Variants in DMD observed in about 807,000 individuals in gnomAD.
DMD encodes dystrophin, also known as mutant dystrophin.
DMD carries 63 observed loss-of-function variants against 330.1 expected under a neutral mutation model. That is an observed-to-expected ratio of 0.19 (90% confidence interval 0.16 to 0.24). The LOEUF is 0.24. Among genes scored for constraint, DMD ranks in the 10% least tolerant of loss-of-function variants. The probability of loss-of-function intolerance (pLI) is 1.00; values close to 1 mark genes in which losing one functional copy is unlikely to be tolerated. For synonymous variants in DMD, 1,223 were observed against 959.8 expected (o/e 1.27, Z -5.07); for missense variants, 3,344 against 2,684.1 (o/e 1.25, Z -5.43).
At chrX:33,129,325 C>CTGTTTGTTTTTTT (rs2095483839) in intron 1 of DMD, among the ~76,000 whole-genome samples, 1 of 30,715 alleles carries the variant, frequency 3.3e-5, no homozygotes, top group Non-Finnish European at 5.2e-5. Flanking sequence ...TTAAGGTTTG[C>CTGTTTGTTTTTTT]TTTTTTTTTT....
intron 44 of DMD, among the ~76,000 whole-genome samples, chrX:32,192,367 T>G (rs1029075146): frequency 4.5e-5 from 5 of 111,587 alleles, no homozygotes; most frequent in South Asian, 3.7e-4. Context: ...GTTGCCAATA[T>G]GAAATGAAAA....
intron 47 of DMD, among the ~76,000 whole-genome samples, chrX:31,889,626 C>CTG: frequency 2.0e-5 from 1 of 48,925 alleles, no homozygotes; most frequent in African/African-American, 1.0e-4. Context: ...CTCTGTCTCT[C>CTG]TCTCTCTCTC....
chrX:32,864,688 G>A (rs2082345710), intron 2 of DMD, among the ~76,000 whole-genome samples: 1 of 111,550 alleles, frequency 9.0e-6, no homozygotes, highest in Admixed American at 9.6e-5. Flanking sequence ...CAGGACTCCA[G>A]TGTGCTCAGC....
intron 62 of DMD, among the ~76,000 whole-genome samples, chrX:31,317,409 A>G (rs1026365664): frequency 2.7e-5 from 3 of 111,794 alleles, no homozygotes; most frequent in African/African-American, 9.8e-5. Flanking sequence ...TTCACATTGT[A>G]TGAAAGATTA....
chrX:32,039,125 A>T (rs1252241193), intron 44 of DMD, among the ~76,000 whole-genome samples: 2 of 110,870 alleles, frequency 1.8e-5, no homozygotes, highest in African/African-American at 6.6e-5. Flanking sequence ...AATGTAAAGG[A>T]GGGGGGGATA....
rs910031050 is a variant in DMD at position 31,427,492 on chromosome X, C to T, written c.9084+16989G>A. ...TTGTCCCTCCTATTGGGTAGAGGGTCTCGAGACTAATGTAGTCACTGATAA... is the reference window on the plus strand; with the variant it reads ...TTGTCCCTCCTATTGGGTAGAGGGTTTCGAGACTAATGTAGTCACTGATAA... On this transcript the variant is annotated intron_variant, in intron 60 of 78. Transcript: ENST00000357033. Among the ~76,000 whole-genome samples the T allele has an allele frequency of 1.9e-4, 21 of 111,711 alleles. No individual in the cohort carries two copies. The Admixed American group carries it at 2.0e-3, about 11-fold the overall frequency.
At chrX:32,656,875 A>G (rs2060611970) in intron 9 of DMD, among the ~76,000 whole-genome samples, 1 of 111,805 alleles carries the variant, frequency 8.9e-6, no homozygotes, top group Non-Finnish European at 1.9e-5. Context: ...TAACCAATCA[A>G]TACCTTGAAA....
intron 60 of DMD, among the ~76,000 whole-genome samples, chrX:31,412,206 A>AAAAAAAAAAAAAAAG (rs765872095): frequency 1.1e-5 from 1 of 94,183 alleles, no homozygotes; most frequent in East Asian, 4.8e-4. Flanking sequence ...AAAAAAAAAA[A>AAAAAAAAAAAAAAAG]AGAGAGAGAG....
chrX:31,554,477 C>T (rs187163216), intron 55 of DMD, among the ~76,000 whole-genome samples: 16 of 111,810 alleles, frequency 1.4e-4, no homozygotes, highest in African/African-American at 4.9e-4. Flanking sequence ...ATCACTAGTA[C>T]TGGGTTTTTG....
At chrX:32,731,177 C>A (rs1410190172) in intron 7 of DMD, among the ~76,000 whole-genome samples, 1 of 112,122 alleles carries the variant, frequency 8.9e-6, no homozygotes, top group African/African-American at 3.2e-5. Flanking sequence ...TCGGGTCACA[C>A]CCACCCGAAT....
chrX:33,017,039 C>A (rs1472132948), intron 2 of DMD, among the ~76,000 whole-genome samples: 2 of 111,470 alleles, frequency 1.8e-5, no homozygotes, highest in Non-Finnish European at 3.8e-5. Context: ...GTTCAGTTAT[C>A]TCTATATAAT....
chrX:31,341,891 G>GCGCACACACACACACACA (rs374298104), intron 61 of DMD, among the ~76,000 whole-genome samples: 3 of 98,876 alleles, frequency 3.0e-5, no homozygotes, highest in African/African-American at 1.1e-4. Flanking sequence ...GTGCGCGCGC[G>GCGCACACACACACACACA]CACACACACA....
Position 32,330,484 on chromosome X carries a change from T to C in DMD, c.5922+11616A>G, listed in dbSNP as rs2097673736. 2.7e-5 allele frequency among the ~76,000 whole-genome samples: 3 copies of C among 112,044 alleles called. No homozygotes were observed. In the Admixed American group the frequency reaches 2.9e-4, roughly 11 times the overall value. ...TATTTTTAACCAGTTGTTCTGGACA[T>C]GCTCAGAAGGATATTTCCAACCCCA... On this transcript the variant is annotated intron_variant, in intron 41 of 78. Transcript: ENST00000357033.
intron 9 of DMD, among the ~76,000 whole-genome samples, chrX:32,650,028 G>A (rs1243032895): frequency 9.0e-6 from 1 of 111,131 alleles, no homozygotes. Context: ...GGGGAAACAG[G>A]TGAATGAGCT....
At chrX:32,353,604 T>C (rs1226036505) in intron 37 of DMD, among the ~76,000 whole-genome samples, 1 of 111,457 alleles carries the variant, frequency 9.0e-6, no homozygotes, top group East Asian at 2.8e-4. Context: ...AAATAGGTTT[T>C]AGTTATATAG....
At chrX:33,254,208 T>C (rs1256787685) in intron 1 of DMD, among the ~76,000 whole-genome samples, 1 of 98,973 alleles carries the variant, frequency 1.0e-5, no homozygotes, top group Non-Finnish European at 1.9e-5. Context: ...TTATTTCACA[T>C]CACAAGGCTT....
At chrX:32,657,673 A>T (rs2060671060) in intron 9 of DMD, among the ~76,000 whole-genome samples, 1 of 112,116 alleles carries the variant, frequency 8.9e-6, no homozygotes, top group African/African-American at 3.2e-5. Flanking sequence ...AAAAGTCAGT[A>T]TTTGGTTGGA....
At chrX:31,166,622 C>T (rs2039442707) in intron 74 of DMD, among the ~76,000 whole-genome samples, 2 of 111,357 alleles carry the variant, frequency 1.8e-5, no homozygotes, top group Admixed American at 1.9e-4. Context: ...CAGGAAATGG[C>T]AAATTAAAGG....
chrX:32,447,208 TGTG>T lies in DMD; in HGVS notation c.3786+1245_3786+1247del, dbSNP rs112225993. 4.8e-3 allele frequency among the ~76,000 whole-genome samples: 529 copies of T among 110,661 alleles called. 3 individuals are homozygous for T. The highest frequency in any genetic ancestry group is 0.016 in the African/African-American group (492 of 30,615). On this transcript the variant is annotated intron_variant, in intron 27 of 78. Coordinates refer to ENST00000357033, the MANE Select transcript of DMD (RefSeq NM_004006.3). ...TATTGTAACATGTTAGTGAATTAAT[TGTG>T]GTTTTCTTGAGACATGTACAGTGCC...
Sources: allele counts gnomAD v4.1 joint callset (sites outside exome capture counted in the v4.1 genomes callset), GRCh38; gene constraint gnomAD v4.1.1; transcripts MANE v1.5; gene names NCBI Gene and HGNC (gene_info 2026-07-23, HGNC 2026-07-21).